Variants in AKAP13 observed in about 807,000 individuals in gnomAD.
AKAP13 encodes A-kinase anchor protein 13.
AKAP13 carries 80 observed loss-of-function variants against 264.5 expected under a neutral mutation model. The ratio of observed to expected loss-of-function variants is 0.30; its 90% CI spans 0.25 to 0.36. AKAP13 has a LOEUF of 0.36. AKAP13 is among the 10% of genes least tolerant of loss of function. AKAP13 has a pLI of 1.00. For missense variants in AKAP13, 3,712 were observed against 3,435.2 expected (o/e 1.08, Z -2.01); for synonymous variants, 1,380 against 1,250.2 (o/e 1.10, Z -2.19).
At chr15:85,499,259 T>C (rs2075977177) in intron 2 of AKAP13, among the ~76,000 whole-genome samples, 1 of 152,200 alleles carries the variant, frequency 6.6e-6, no homozygotes, top group African/African-American at 2.4e-5. Context: ...TGATTTTCAG[T>C]GGATAATTAA....
intron 7 of AKAP13, among the ~76,000 whole-genome samples, chr15:85,584,176 C>T (rs1336418374): frequency 1.3e-5 from 2 of 152,212 alleles, no homozygotes; most frequent in East Asian, 1.9e-4. Flanking sequence ...AGTGAGAAGA[C>T]ATAGGTTTAA....
chr15:85,560,153 A>AC (rs2078313333), intron 5 of AKAP13, among the ~76,000 whole-genome samples: 1 of 151,124 alleles, frequency 6.6e-6, no homozygotes, highest in African/African-American at 2.4e-5. Flanking sequence ...AAAAAAAAAA[A>AC]AAAACAGTAA....
intron 9 of AKAP13, among the ~76,000 whole-genome samples, chr15:85,642,385 G>GCT (rs2082347361): frequency 6.6e-6 from 1 of 152,178 alleles, no homozygotes; most frequent in African/African-American, 2.4e-5. Context: ...AAAAACCAGA[G>GCT]CTCTTTACTC....
intron 1 of AKAP13, among the ~76,000 whole-genome samples, chr15:85,418,047 T>TTTA (rs57875971): frequency 0.055 from 8,089 of 146,750 alleles, 503 homozygotes; most frequent in African/African-American, 0.16. Flanking sequence ...ATCTTCATTA[T>TTTA]TTATTATTAT....
chr15:85,439,085 T>C (rs2073483874), intron 1 of AKAP13, among the ~76,000 whole-genome samples: 1 of 151,494 alleles, frequency 6.6e-6, no homozygotes, highest in African/African-American at 2.4e-5. Context: ...AAAGGGCTAA[T>C]ATCCAGAATC....
At chr15:85,635,969 G>A (rs1188432921) in intron 8 of AKAP13, among the ~76,000 whole-genome samples, 1 of 152,120 alleles carries the variant, frequency 6.6e-6, no homozygotes, top group South Asian at 2.1e-4. Context: ...GGTTAGTGCA[G>A]CTTTTATAGT....
chr15:85,412,259 A>G (rs958964588), intron 1 of AKAP13, among the ~76,000 whole-genome samples: 1 of 152,250 alleles, frequency 6.6e-6, no homozygotes. Context: ...GTTTTGGTGT[A>G]ACATGGAAAA....
At chr15:85,633,368 CGG>C (rs144422261) in intron 8 of AKAP13, among the ~76,000 whole-genome samples, 1 of 146,514 alleles carries the variant, frequency 6.8e-6, no homozygotes, top group East Asian at 2.0e-4. Flanking sequence ...ATAATAGGGG[CGG>C]GGGGGGAGTA....
At chr15:85,725,730 A>T (rs1294079960) in intron 26 of AKAP13, among the ~76,000 whole-genome samples, 2 of 152,232 alleles carry the variant, frequency 1.3e-5, no homozygotes, top group Non-Finnish European at 2.9e-5. Flanking sequence ...AGAGACATCA[A>T]ACCATCCTCA....
Position 85,597,691 on chromosome 15 carries a change from C to T in AKAP13, c.4161+11868C>T, listed in dbSNP as rs953320956. On this transcript the variant is annotated intron_variant, in intron 8 of 36. Transcript: ENST00000394518. The stretch of plus-strand genomic sequence containing the variant: ...TTGTGGCTGGGCCATGGGCAGATCA[C>T]GGTATAGGGTGATCTGGGTAGACTG... Among the ~76,000 whole-genome samples the T allele has an allele frequency of 5.9e-5, 9 of 152,266 alleles. 1 individual carries two copies. In the South Asian group the frequency reaches 1.0e-3, roughly 18 times the overall value.
chr15:85,723,430 C>G lies in AKAP13; in HGVS notation c.6745+110C>G, dbSNP rs2087413680. ...GATTTTTTTCCCAGAGAGCCCATCT[C>G]TAAACACTACCCAGGAGCAACAAGC... is the stretch of plus-strand genomic sequence containing the variant. On this transcript the variant is annotated intron_variant, in intron 26 of 36. Transcript: ENST00000394518. The G allele has an allele frequency of 2.1e-6, 3 of 1,448,084 alleles. No homozygotes were observed. The Admixed American group carries it at 6.3e-5, about 30-fold the overall frequency. The allele number at this position is 1,448,084 out of a possible 1,614,324, so 89.7% of individuals were successfully genotyped here. A position where few individuals can be genotyped will look rare whatever the true frequency, so the allele number is the denominator to read the frequency against.
At chr15:85,382,158 T>C (rs2070312435) in intron 1 of AKAP13, 1 of 152,234 alleles carries the variant, frequency 6.6e-6, no homozygotes, top group Non-Finnish European at 1.5e-5. Flanking sequence ...CTGTCATTCA[T>C]AGTGGAGCAA....
At chr15:85,471,984 C>G (rs1411711247) in intron 1 of AKAP13, among the ~76,000 whole-genome samples, 1 of 152,008 alleles carries the variant, frequency 6.6e-6, no homozygotes, top group Non-Finnish European at 1.5e-5. Context: ...CCATGTATCT[C>G]TCTATTTTAA....
intron 5 of AKAP13, among the ~76,000 whole-genome samples, 183 bp from the exon 6 acceptor site, chr15:85,574,948 C>T (rs796198606): frequency 1.3e-5 from 2 of 152,192 alleles, no homozygotes; most frequent in African/African-American, 4.8e-5. Flanking sequence ...CATTTGTGAT[C>T]TCTTGTGAGG....
At chr15:85,545,825 T>C (rs541432939) in intron 5 of AKAP13, among the ~76,000 whole-genome samples, 33 of 152,342 alleles carry the variant, frequency 2.2e-4, no homozygotes, top group Non-Finnish European at 4.3e-4. Context: ...TCTCCTTTCC[T>C]TCCCCTTTCT....
In AKAP13 at chr15:85,581,887, G is replaced by A. The variant is rs1164670803; in HGVS notation, c.3819G>A (p.Gly1273=). The change falls in exon 7 of 37, where the codon GGG becomes GGA. Residue 1273 remains glycine (G), a synonymous_variant. Transcript: ENST00000394518. Reference sequence around the variant, plus strand: ...CCGCTGGAGCACTGCTTACTGAGGGGGAGGCCTGTCACATGTCACTGTCCA... The same window carrying A: ...CCGCTGGAGCACTGCTTACTGAGGGAGAGGCCTGTCACATGTCACTGTCCA... ...VKAAGALLTE[G]EACHMSLSSP... is the part of the protein sequence containing the mutation. 6.8e-6 allele frequency: 11 copies of A among 1,614,182 alleles called. No homozygotes were observed. The highest frequency in any genetic ancestry group is 9.3e-6 in the Non-Finnish European group (11 of 1,180,006).
At chr15:85,577,360 T>C (rs1410437309) in intron 6 of AKAP13, among the ~76,000 whole-genome samples, 4 of 152,292 alleles carry the variant, frequency 2.6e-5, no homozygotes, top group Admixed American at 2.0e-4. Context: ...TTTGGAAAAA[T>C]AGATTTTAGG....
intron 5 of AKAP13, among the ~76,000 whole-genome samples, chr15:85,569,843 C>T (rs2078747487): frequency 6.7e-6 from 1 of 150,234 alleles, no homozygotes; most frequent in African/African-American, 2.5e-5. Flanking sequence ...ATTGGGAGGC[C>T]AAGGCAGGTG....
At chr15:85,513,026 T>C (rs1034016366) in intron 2 of AKAP13, among the ~76,000 whole-genome samples, 10 of 151,964 alleles carry the variant, frequency 6.6e-5, no homozygotes, top group South Asian at 2.1e-4. Context: ...CCGGCTAATT[T>C]TTTTGTATTT....
Sources: gnomAD v4.1 joint callset for allele counts (sites outside exome capture counted in the v4.1 genomes callset) on GRCh38, gnomAD v4.1.1 for gene constraint, MANE v1.5 for transcripts, NCBI Gene and HGNC (gene_info 2026-07-23, HGNC 2026-07-21) for gene names.